Variants in POLN observed in about 807,000 individuals in gnomAD.
The protein encoded by POLN is DNA polymerase N.
A neutral mutation model predicts 113.5 loss-of-function variants in POLN; 108 were observed. That is an observed-to-expected ratio of 0.95 (90% confidence interval 0.81 to 1.12). The LOEUF (loss-of-function observed/expected upper bound fraction) is 1.12. POLN is among the 50% of genes most tolerant of loss of function. The probability of loss-of-function intolerance (pLI) is 0.00; values close to 1 mark genes in which losing one functional copy is unlikely to be tolerated. For missense variants in POLN, 1,097 were observed against 1,077.1 expected (o/e 1.02, Z -0.26); for synonymous variants, 386 against 391.5 (o/e 0.99, Z 0.17).
At chr4:2,174,824 C>CT (rs35293526) in intron 9 of POLN, 73 bp from the exon 10 acceptor site, 68,318 of 817,328 alleles carry the variant, frequency 0.084, 40 homozygotes, top group Non-Finnish European at 0.094. Context: ...GAAAAGCCTA[C>CT]TTTTTTTTTT....
chr4:2,176,475 A>C, intron 8 of POLN, 141 bp from the exon 9 acceptor site: 1 of 620,206 alleles, frequency 1.6e-6, no homozygotes, highest in East Asian at 3.1e-5. Context: ...TGTACGTGGT[A>C]GTATCACCAA....
intron 13 of POLN, among the ~76,000 whole-genome samples, chr4:2,163,419 G>A (rs1214694621): frequency 1.3e-5 from 2 of 152,194 alleles, no homozygotes. Context: ...AACACTGCTC[G>A]CACTAACCGT....
intron 3 of POLN, 164 bp downstream of exon 3, chr4:2,228,935 A>T: frequency 1.9e-6 from 1 of 539,936 alleles, no homozygotes; most frequent in Admixed American, 3.4e-5. Flanking sequence ...GGTTAAGGGA[A>T]CACGAAAGTT....
chr4:2,227,716 C>T (rs1023388054), intron 3 of POLN: 2 of 152,128 alleles, frequency 1.3e-5, no homozygotes, highest in Non-Finnish European at 2.9e-5. Flanking sequence ...TCGTCCCAGG[C>T]ATTAACAATG....
intron 2 of POLN, chr4:2,240,007 A>C: frequency 6.5e-7 from 1 of 1,541,744 alleles, no homozygotes; most frequent in Middle Eastern, 1.7e-4. Flanking sequence ...AATAATTACA[A>C]TGTGAATCCA....
intron 5 of POLN, among the ~76,000 whole-genome samples, chr4:2,202,697 C>T (rs1019861256): frequency 1.5e-5 from 2 of 131,042 alleles, no homozygotes; most frequent in African/African-American, 6.2e-5. Context: ...GCACTCCAGC[C>T]TGGGTGACAC....
intron 16 of POLN, among the ~76,000 whole-genome samples, chr4:2,145,181 T>C (rs953282764): frequency 1.3e-5 from 2 of 152,142 alleles, no homozygotes; most frequent in African/African-American, 4.8e-5. Flanking sequence ...AAGAGAGAAT[T>C]TGCTATCATA....
At chr4:2,197,044 C>T (rs36126263) in intron 6 of POLN, among the ~76,000 whole-genome samples, 1 of 152,266 alleles carries the variant, frequency 6.6e-6, no homozygotes, top group East Asian at 1.9e-4. Context: ...AAGCAGACCT[C>T]GAGGGCGAGG....
At chr4:2,097,911 A>G (rs938297955) in intron 19 of POLN, among the ~76,000 whole-genome samples, 1 of 152,200 alleles carries the variant, frequency 6.6e-6, no homozygotes, top group Non-Finnish European at 1.5e-5. Context: ...AGATTTTTCA[A>G]TGTTTCTTTG....
intron 19 of POLN, among the ~76,000 whole-genome samples, chr4:2,103,319 C>T (rs926313027): frequency 6.6e-6 from 1 of 151,916 alleles, no homozygotes; most frequent in Non-Finnish European, 1.5e-5. Flanking sequence ...ATGTAAGATA[C>T]ATTTGAAAGC....
intron 19 of POLN, among the ~76,000 whole-genome samples, chr4:2,117,837 T>C (rs1158902538): frequency 6.6e-6 from 1 of 152,210 alleles, no homozygotes; most frequent in Non-Finnish European, 1.5e-5. Context: ...TTACCTTTCT[T>C]GGTTACATGT....
intron 16 of POLN, among the ~76,000 whole-genome samples, chr4:2,147,443 G>C (rs1264908873): frequency 6.6e-6 from 1 of 152,136 alleles, no homozygotes; most frequent in Non-Finnish European, 1.5e-5. Context: ...AAGTATCTGA[G>C]TTGGGGAAAG....
chr4:2,159,050 C>A, intron 14 of POLN, 105 bp downstream of exon 14: 2 of 864,898 alleles, frequency 2.3e-6, no homozygotes, highest in Non-Finnish European at 3.9e-6. Context: ...CCTGAGAACA[C>A]TGGGAGGGCT....
At chr4:2,161,714 T>C (rs1439605339) in intron 13 of POLN, among the ~76,000 whole-genome samples, 4 of 152,336 alleles carry the variant, frequency 2.6e-5, no homozygotes, top group African/African-American at 9.6e-5. Flanking sequence ...ATCCGCTGGG[T>C]GAAGCCAGCT....
intron 16 of POLN, among the ~76,000 whole-genome samples, chr4:2,139,135 C>A (rs568524614): frequency 2.0e-5 from 3 of 152,028 alleles, no homozygotes; most frequent in Admixed American, 1.3e-4. Context: ...GGGGACAAGC[C>A]GCAGGGTCAG....
At chr4:2,222,460 T>C (rs11933669) in intron 3 of POLN, among the ~76,000 whole-genome samples, 39,391 of 151,600 alleles carry the variant, frequency 0.26, 8,171 homozygotes, top group African/African-American at 0.56. Flanking sequence ...TCACCTGAGG[T>C]CCGGAGGCGG....
At chr4:2,161,973 G>GAC in intron 13 of POLN, among the ~76,000 whole-genome samples, 1 of 152,126 alleles carries the variant, frequency 6.6e-6, no homozygotes, top group Non-Finnish European at 1.5e-5. Flanking sequence ...GAACCTTTGT[G>GAC]TCTAGCTCAG....
chr4:2,202,384 G>C (rs1468267493), intron 5 of POLN, among the ~76,000 whole-genome samples: 3 of 152,160 alleles, frequency 2.0e-5, no homozygotes, highest in African/African-American at 7.2e-5. Flanking sequence ...AAGCAAGCAA[G>C]AGTAGCTATT....
chr4:2,096,686 A>AG, intron 19 of POLN, among the ~76,000 whole-genome samples: 2 of 130,008 alleles, frequency 1.5e-5, no homozygotes, highest in Admixed American at 7.9e-5. Context: ...AGCCGAGAGA[A>AG]AGAGAGAGAG....
Sources: allele counts gnomAD v4.1 joint callset (sites outside exome capture counted in the v4.1 genomes callset), GRCh38; gene constraint gnomAD v4.1.1; transcripts MANE v1.5; gene names NCBI Gene and HGNC (gene_info 2026-07-23, HGNC 2026-07-21).